The following CDK6 variants were observed in gnomAD, a reference collection of about 807,000 sequenced individuals.
CDK6 encodes cyclin-dependent kinase 6.
CDK6 carries 6 observed loss-of-function variants against 37.1 expected under a neutral mutation model. The observed-to-expected ratio is 0.16, with a 90% CI of 0.09 to 0.32. CDK6 has a LOEUF of 0.32. Among genes scored for constraint, CDK6 ranks in the 10% least tolerant of loss-of-function variants. CDK6 has a pLI of 1.00. For synonymous variants in CDK6, 160 were observed against 161.3 expected (o/e 0.99, Z 0.06); for missense variants, 224 against 418.9 (o/e 0.53, Z 4.06).
At chr7:92,758,340 C>G in intron 3 of CDK6, among the ~76,000 whole-genome samples, 1 of 152,164 alleles carries the variant, frequency 6.6e-6, no homozygotes, top group Non-Finnish European at 1.5e-5. Context: ...TAGTTTCAAT[C>G]TTCTGCATAT....
At chr7:92,787,761 C>T (rs1800182501) in intron 2 of CDK6, among the ~76,000 whole-genome samples, 2 of 151,986 alleles carry the variant, frequency 1.3e-5, no homozygotes, top group Admixed American at 6.6e-5. Context: ...AGAGAAACAA[C>T]GATGGCTCAC....
At chr7:92,701,790 G>C (rs936420030) in intron 4 of CDK6, 2 of 152,376 alleles carry the variant, frequency 1.3e-5, no homozygotes, top group African/African-American at 4.8e-5. Context: ...TCTAATTTTA[G>C]TACATGTGCT....
chr7:92,661,528 G>A (rs1438971515), intron 5 of CDK6, among the ~76,000 whole-genome samples: 1 of 152,092 alleles, frequency 6.6e-6, no homozygotes. Context: ...ATTATACCCT[G>A]TATTCTTATA....
intron 3 of CDK6, among the ~76,000 whole-genome samples, chr7:92,745,093 T>G (rs1562953549): frequency 6.6e-6 from 1 of 152,206 alleles, no homozygotes; most frequent in South Asian, 2.1e-4. Flanking sequence ...ATCTAAATCT[T>G]AATGTACTAC....
chr7:92,725,836 G>A (rs1235891198), intron 3 of CDK6, 43 bp from the exon 4 acceptor site: 1 of 1,571,214 alleles, frequency 6.4e-7, no homozygotes, highest in Admixed American at 1.8e-5. Context: ...ACTCAAAACG[G>A]AAGTTGAGCA....
chr7:92,726,751 A>C (rs1798520952), intron 3 of CDK6, among the ~76,000 whole-genome samples: 3 of 152,202 alleles, frequency 2.0e-5, no homozygotes, highest in Non-Finnish European at 2.9e-5. Flanking sequence ...TCTTGATTTA[A>C]ACTAGGGTCT....
At chr7:92,638,027 T>C (rs565262311) in intron 5 of CDK6, among the ~76,000 whole-genome samples, 7 of 152,344 alleles carry the variant, frequency 4.6e-5, no homozygotes, top group African/African-American at 1.7e-4. Flanking sequence ...AATTTGTTAA[T>C]AGACATTGTA....
intron 4 of CDK6, among the ~76,000 whole-genome samples, chr7:92,672,184 G>GACACAGAC: frequency 2.3e-5 from 1 of 44,138 alleles, no homozygotes; most frequent in Admixed American, 2.8e-4. Flanking sequence ...CACACACACA[G>GACACAGAC]ACACATACAC....
intron 2 of CDK6, among the ~76,000 whole-genome samples, chr7:92,817,815 C>T (rs1487115971): frequency 2.6e-5 from 4 of 151,752 alleles, no homozygotes; most frequent in African/African-American, 9.7e-5. Flanking sequence ...CACAAGGTCA[C>T]TATACAAAAA....
intron 5 of CDK6, among the ~76,000 whole-genome samples, chr7:92,643,587 G>A (rs1796368743): frequency 6.6e-6 from 1 of 152,212 alleles, no homozygotes; most frequent in African/African-American, 2.4e-5. Context: ...TAACCTAAAG[G>A]ATGAAACAGA....
chr7:92,750,320 T>A (rs1237296518), intron 3 of CDK6, among the ~76,000 whole-genome samples: 2 of 152,172 alleles, frequency 1.3e-5, no homozygotes, highest in Non-Finnish European at 2.9e-5. Flanking sequence ...GGGCTACATA[T>A]ATTCCAAGGA....
chr7:92,721,424 T>C (rs539016517), intron 4 of CDK6, among the ~76,000 whole-genome samples: 2 of 152,304 alleles, frequency 1.3e-5, no homozygotes, highest in South Asian at 4.1e-4. Flanking sequence ...AGGGCCAGTG[T>C]AGGCTTCTCT....
chr7:92,617,982 T>A, intron 7 of CDK6, 90 bp downstream of exon 7: 1 of 1,328,420 alleles, frequency 7.5e-7, no homozygotes, highest in Non-Finnish European at 1.0e-6. Flanking sequence ...TAGCAGCTAC[T>A]GAACTGATAT....
At chr7:92,750,123 G>A (rs925212870) in intron 3 of CDK6, among the ~76,000 whole-genome samples, 3 of 152,102 alleles carry the variant, frequency 2.0e-5, no homozygotes, top group East Asian at 1.9e-4. Context: ...TTTAAATATA[G>A]GTCTTTATTC....
At chr7:92,748,176 C>A (rs1799104666) in intron 3 of CDK6, among the ~76,000 whole-genome samples, 1 of 152,166 alleles carries the variant, frequency 6.6e-6, no homozygotes, top group Non-Finnish European at 1.5e-5. Context: ...CAGAATATGG[C>A]TTTCCAGAGA....
At chr7:92,811,654 C>T (rs940419939) in intron 2 of CDK6, among the ~76,000 whole-genome samples, 2 of 152,014 alleles carry the variant, frequency 1.3e-5, no homozygotes, top group Non-Finnish European at 2.9e-5. Context: ...TATAATGTCA[C>T]ACTTAACCAG....
chr7:92,633,114 A>G (rs543751636), intron 5 of CDK6, among the ~76,000 whole-genome samples: 12 of 152,162 alleles, frequency 7.9e-5, no homozygotes, highest in Admixed American at 3.3e-4. Context: ...AGGACACATT[A>G]AAAAAACTAT....
chr7:92,618,047 C>T (rs779451238), intron 7 of CDK6, 25 bp downstream of exon 7: 38 of 1,611,546 alleles, frequency 2.4e-5, no homozygotes, highest in African/African-American at 1.3e-4. Context: ...ACAGTGCAGA[C>T]GAGCTTGACA....
chr7:92,714,415 GGAGA>G (rs1210627931), intron 4 of CDK6, among the ~76,000 whole-genome samples: 2 of 152,164 alleles, frequency 1.3e-5, no homozygotes, highest in African/African-American at 4.8e-5. Flanking sequence ...AAGCAAGAAT[GGAGA>G]GAAAGGTTAG....
Sources: allele counts gnomAD v4.1 joint callset (sites outside exome capture counted in the v4.1 genomes callset), GRCh38; gene constraint gnomAD v4.1.1; transcripts MANE v1.5; gene names NCBI Gene and HGNC (gene_info 2026-07-23, HGNC 2026-07-21).